The following ITFG2 variants were observed in gnomAD, a reference collection of about 807,000 sequenced individuals.
ITFG2 encodes integrin alpha FG-GAP repeat containing 2.
A neutral mutation model predicts 54.4 loss-of-function variants in ITFG2; 36 were observed. That is an observed-to-expected ratio of 0.66 (90% CI 0.51 to 0.87). The LOEUF (loss-of-function observed/expected upper bound fraction) is 0.87. ITFG2 is among the 40% of genes least tolerant of loss of function. ITFG2 has a pLI of 0.00. For missense variants in ITFG2, 524 were observed against 576.7 expected (o/e 0.91, Z 0.94); for synonymous variants, 211 against 225.4 (o/e 0.94, Z 0.57).
chr12:2,858,641 C>A (rs1466511452), intron 3 of ITFG2: 2 of 1,613,346 alleles, frequency 1.2e-6, no homozygotes, highest in African/African-American at 2.7e-5. Flanking sequence ...CAGGGCTCTA[C>A]TGTAGCTCAG....
chr12:2,834,508 C>T, upstream of ITFG2: 2 of 1,286,348 alleles, frequency 1.6e-6, no homozygotes, highest in South Asian at 1.7e-5. Flanking sequence ...GCAGGATGAC[C>T]TCTCCCCATC....
rs948722905 is a variant in ITFG2, at chr12:2,822,921, GC to G, written c.1066+15del. On this transcript the variant is annotated intron_variant, in intron 10 of 11. Coordinates refer to ENST00000228799, the MANE Select transcript of ITFG2 (RefSeq NM_018463.4). The stretch of plus-strand genomic sequence containing the variant: ...CGTGCCTTCTGTGCAGGTGACCCCC[GC>G]CCCCATGGCCCCTTTCTAACCACAC... 2 of 1,595,400 alleles carry G rather than the reference GC, an allele frequency of 1.3e-6. No homozygotes were observed. Among genetic ancestry groups the G allele is most frequent in the Non-Finnish European group, 1.7e-6 (2 of 1,163,046 alleles).
chr12:2,858,859 T>A, intron 3 of ITFG2: 1 of 1,613,988 alleles, frequency 6.2e-7, no homozygotes, highest in Non-Finnish European at 8.5e-7. Context: ...GGAGAAGAGT[T>A]GCCAAAGGGG....
At chr12:2,840,517 A>C (rs977680865) in intron 1 of ITFG2, among the ~76,000 whole-genome samples, 5 of 151,234 alleles carry the variant, frequency 3.3e-5, no homozygotes, top group Non-Finnish European at 7.4e-5. Context: ...TATAATTCTA[A>C]ATATCATGCC....
intron 9 of ITFG2, among the ~76,000 whole-genome samples, chr12:2,822,244 A>G (rs2097947878): frequency 6.6e-6 from 1 of 152,302 alleles, no homozygotes; most frequent in Admixed American, 6.5e-5. Flanking sequence ...AGATAGGTCT[A>G]AATCCATCTG....
At chr12:2,848,958 C>T in intron 2 of ITFG2, 1 of 458,194 alleles carries the variant, frequency 2.2e-6, no homozygotes, top group Non-Finnish European at 3.9e-6. Flanking sequence ...GAGCCCCTCC[C>T]TGTTCTCCCT....
downstream of ITFG2, chr12:2,827,627 T>C: frequency 6.2e-7 from 1 of 1,614,150 alleles, no homozygotes. This position sits in a 1 kb window ranked among gnomAD's most constrained non-coding sequence, Gnocchi z 4.0. Context: ...TGCCTTACCT[T>C]GAGAGAAAGC....
In ITFG2 at chr12:2,812,724, ACTGGGCCTCTCCG is replaced by A; in HGVS notation, c.-34_-22del. The A allele has an allele frequency of 6.4e-7, 1 of 1,564,782 alleles. No homozygotes were observed. Among genetic ancestry groups the A allele is most frequent in the African/African-American group, 1.3e-5 (1 of 74,186 alleles). Reference sequence around the variant, plus strand: ...CGCGACGGGGGTTCAGGGAATATTTACTGGGCCTCTCCGCTCCCTCTGCTCTTGGAGGTGCCAT... The same window carrying A: ...CGCGACGGGGGTTCAGGGAATATTTACTCCCTCTGCTCTTGGAGGTGCCAT... On this transcript the variant is annotated 5_prime_UTR_variant, in exon 1 of 12. Coordinates refer to ENST00000228799, the MANE Select transcript of ITFG2 (RefSeq NM_018463.4).
intron 1 of ITFG2, among the ~76,000 whole-genome samples, chr12:2,813,135 C>G (rs987566337): frequency 1.3e-5 from 2 of 152,196 alleles, no homozygotes; most frequent in African/African-American, 4.8e-5. Flanking sequence ...CTCCCGGGCT[C>G]GAGCGATTCT....
At chr12:2,859,774 T>G (rs1469599616) in exon 4 of ITFG2, 3 of 775,916 alleles carry the variant, frequency 3.9e-6, no homozygotes, top group African/African-American at 1.8e-5. Flanking sequence ...TTAAAATCTA[T>G]TAAATATGAG....
intron 9 of ITFG2, among the ~76,000 whole-genome samples, chr12:2,822,116 G>A (rs778357039): frequency 1.3e-5 from 2 of 151,950 alleles, no homozygotes; most frequent in Non-Finnish European, 2.9e-5. Context: ...TTTTTGTAAA[G>A]ATGAGATCTC....
chr12:2,858,646 G>C, intron 3 of ITFG2: 1 of 1,613,734 alleles, frequency 6.2e-7, no homozygotes, highest in Non-Finnish European at 8.5e-7. Context: ...CTCTACTGTA[G>C]CTCAGGAATA....
At chr12:2,815,738 C>G (rs888860254) in intron 1 of ITFG2, among the ~76,000 whole-genome samples, 3 of 152,318 alleles carry the variant, frequency 2.0e-5, no homozygotes, top group East Asian at 3.9e-4. Context: ...AGGTCGCATA[C>G]TTTTCTGGGG....
At chr12:2,821,472 C>T in intron 7 of ITFG2, 71 bp from the exon 8 acceptor site, 3 of 1,573,890 alleles carry the variant, frequency 1.9e-6, no homozygotes, top group East Asian at 2.2e-5. Context: ...CCTGCTGCTG[C>T]AGAACACCCC....
rs752045113 is a variant in ITFG2 at position 2,855,116 on chromosome 12, TG to T, written n.301-2889del. The T allele has an allele frequency of 1.4e-5, 22 of 1,531,682 alleles. 1 individual carries two copies. The highest frequency in any genetic ancestry group is 1.3e-4 in the South Asian group (11 of 83,768). The allele number at this position is 1,531,682 out of a possible 1,614,324, so 94.9% of individuals were successfully genotyped here. A position where few individuals can be genotyped will look rare whatever the true frequency, so the allele number is the denominator to read the frequency against. On this transcript the variant is annotated intron_variant and non_coding_transcript_variant, in intron 2 of 3. Transcript: ENST00000537710. Reference sequence around the variant, plus strand: ...GAGGGAGGGGGGATGGGGTGCTCCGTGGGGGGGCATCTGTGGGCATTGGAGT... The same window carrying T: ...GAGGGAGGGGGGATGGGGTGCTCCGTGGGGGGCATCTGTGGGCATTGGAGT...
chr12:2,848,085 G>A (rs892265429), intron 2 of ITFG2, among the ~76,000 whole-genome samples: 1 of 152,214 alleles, frequency 6.6e-6, no homozygotes, highest in African/African-American at 2.4e-5. Flanking sequence ...GAAAGCCAGA[G>A]GGAATAGTGA....
chr12:2,818,163 G>T lies in ITFG2; in HGVS notation c.292G>T (p.Ala98Ser), dbSNP rs199535617. ...GTTTCATTTGTTTGACCTGACACCT[G>T]CCAAGGTGTTGGATGCTTCTGGGCA... ...GWFHLFDLTP[A>S]KVLDASGHHE... is the part of the protein sequence containing the mutation. The change falls in exon 4 of 12, where the codon GCC (alanine) becomes TCC (serine). Residue 98 changes from alanine (A) to serine (S), a missense_variant. Coordinates refer to ENST00000228799, the MANE Select transcript of ITFG2 (RefSeq NM_018463.4). 61 of 1,614,160 alleles carry T rather than the reference G, an allele frequency of 3.8e-5. No individual in the cohort carries two copies. Among genetic ancestry groups the T allele is most frequent in the Non-Finnish European group, 5.1e-5 (60 of 1,180,034 alleles).
chr12:2,815,533 G>C (rs1431206553), intron 1 of ITFG2, among the ~76,000 whole-genome samples: 3 of 152,254 alleles, frequency 2.0e-5, no homozygotes, highest in Non-Finnish European at 4.4e-5. Context: ...TACACCTCAA[G>C]ATCAAAAGGC....
intron 2 of ITFG2, among the ~76,000 whole-genome samples, chr12:2,848,877 G>GCGCACACACACACA (rs1555092608): frequency 3.6e-5 from 5 of 140,372 alleles, no homozygotes; most frequent in African/African-American, 8.1e-5. Flanking sequence ...ACACACACAC[G>GCGCACACACACACA]CACACACACA....
Sources: gnomAD v4.1 joint callset for allele counts (sites outside exome capture counted in the v4.1 genomes callset) on GRCh38, gnomAD v4.1.1 for gene constraint, Gnocchi (gnomAD v3.1) non-coding constraint, MANE v1.5 for transcripts, NCBI Gene and HGNC (gene_info 2026-07-23, HGNC 2026-07-21) for gene names.